TAS2R30: variants seen among roughly 807,000 people sequenced by gnomAD.
The protein encoded by TAS2R30 is taste 2 receptor member 30, also known as taste receptor type 2 member 30.
For missense variants in TAS2R30, 395 were observed against 371.6 expected (o/e 1.06, Z -0.52); for synonymous variants, 141 against 131.6 (o/e 1.07, Z -0.49).
chr12:11,134,078 A>G (rs759390205), exon 1 of TAS2R30: 13 of 1,614,114 alleles, frequency 8.1e-6, no homozygotes, highest in Non-Finnish European at 1.1e-5. Context: ...GAGCAAACCA[A>G]CTCTGGAGAC....
At chr12:11,134,099 G>C (rs781504579) in exon 1 of TAS2R30, 5 of 1,614,154 alleles carry the variant, frequency 3.1e-6, no homozygotes, top group Non-Finnish European at 4.2e-6. Flanking sequence ...CGCCAGAGCA[G>C]TGAGAATTTG....
chr12:11,133,237 C>A (rs1205528255), exon 1 of TAS2R30: 1 of 1,541,862 alleles, frequency 6.5e-7, no homozygotes, highest in Admixed American at 2.2e-5. Flanking sequence ...TTACAGAAAA[C>A]CCAGTAAGAA....
At chr12:11,133,766 C>T (rs781146450) in exon 1 of TAS2R30, 9 of 1,614,046 alleles carry the variant, frequency 5.6e-6, no homozygotes, top group Non-Finnish European at 7.6e-6. Context: ...AGTCACGTTT[C>T]CTTCATATTC....
chr12:11,133,623 T>G (rs1213594603), exon 1 of TAS2R30: 5 of 1,614,282 alleles, frequency 3.1e-6, no homozygotes, highest in Non-Finnish European at 4.2e-6. Context: ...AGCTGCATCT[T>G]CTTGAGATGT....
At chr12:11,133,456 GA>G in the TAS2R30 span, 15 of 1,614,102 alleles carry the variant, frequency 9.3e-6, no homozygotes, top group Non-Finnish European at 1.3e-5. Flanking sequence ...TAGCTTGGCA[GA>G]ACATGAAGAC....
At chr12:11,132,994 A>G in exon 1 of TAS2R30, 1 of 323,936 alleles carries the variant, frequency 3.1e-6, no homozygotes, top group African/African-American at 2.1e-5. Context: ...AATGAAATAT[A>G]AAATACATGT....
At chr12:11,134,577 G>T in exon 1 of TAS2R30, 1 of 263,946 alleles carries the variant, frequency 3.8e-6, no homozygotes, top group Non-Finnish European at 7.1e-6. Context: ...ATGCAAACAA[G>T]GACATGTTCA....
At chr12:11,133,414 G>A in exon 1 of TAS2R30, 1 of 1,613,978 alleles carries the variant, frequency 6.2e-7, no homozygotes. Context: ...AAATCAGGAT[G>A]AATGGGTGGG....
exon 1 of TAS2R30, chr12:11,133,574 T>G: frequency 2.5e-6 from 4 of 1,614,254 alleles, no homozygotes; most frequent in Non-Finnish European, 2.5e-6. Flanking sequence ...AGCTTTTATG[T>G]GGACCTTGGT....
At chr12:11,133,281 T>G in exon 1 of TAS2R30, 4 of 1,593,238 alleles carry the variant, frequency 2.5e-6, no homozygotes, top group Non-Finnish European at 3.4e-6. Context: ...CAGTTTGTTT[T>G]CTGCTAGAAG....
At chr12:11,134,094 G>A in exon 1 of TAS2R30, 1 of 1,614,130 alleles carries the variant, frequency 6.2e-7, no homozygotes. Flanking sequence ...GAGACCGCCA[G>A]AGCAGTGAGA....
At chr12:11,133,311 T>C in exon 1 of TAS2R30, 2 of 1,612,722 alleles carry the variant, frequency 1.2e-6, no homozygotes, top group Non-Finnish European at 1.7e-6. Flanking sequence ...GCCCCTCTTG[T>C]GAATCTATGG....
exon 1 of TAS2R30, chr12:11,134,035 C>T (rs551424741): frequency 9.3e-6 from 15 of 1,614,008 alleles, no homozygotes; most frequent in Non-Finnish European, 1.3e-5. Flanking sequence ...CTGGATTCAA[C>T]TGAGTTGCAT....
chr12:11,134,085 A>G (rs1036823157), exon 1 of TAS2R30: 46 of 1,614,042 alleles, frequency 2.8e-5, no homozygotes, highest in Non-Finnish European at 3.3e-5. Flanking sequence ...CCAACTCTGG[A>G]GACCGCCAGA....
At chr12:11,134,079 C>G (rs370581821) in exon 1 of TAS2R30, 2 of 1,614,016 alleles carry the variant, frequency 1.2e-6, no homozygotes, top group South Asian at 2.2e-5. Flanking sequence ...AGCAAACCAA[C>G]TCTGGAGACC....
At chr12:11,134,097 C>A in exon 1 of TAS2R30, 2 of 1,614,122 alleles carry the variant, frequency 1.2e-6, no homozygotes, top group Non-Finnish European at 1.7e-6. Context: ...ACCGCCAGAG[C>A]AGTGAGAATT....
At chr12:11,133,904 G>A (rs1287546553) in exon 1 of TAS2R30, 1 of 1,614,020 alleles carries the variant, frequency 6.2e-7, no homozygotes, top group African/African-American at 1.3e-5. Context: ...AATAAGGTTG[G>A]AGAAATTGGC....
chr12:11,133,248 A>G, exon 1 of TAS2R30: 2 of 1,550,952 alleles, frequency 1.3e-6, no homozygotes, highest in Non-Finnish European at 1.7e-6. Flanking sequence ...CCAGTAAGAA[A>G]TATAAAATGT....
exon 1 of TAS2R30, chr12:11,133,833 G>A: frequency 6.2e-7 from 1 of 1,614,058 alleles, no homozygotes; most frequent in Non-Finnish European, 8.5e-7. Context: ...ACCAAAAATA[G>A]CAAAGGCCCC....
Sources: gnomAD v4.1 joint callset for allele counts on GRCh38, gnomAD v4.1.1 for gene constraint, MANE v1.5 for transcripts, NCBI Gene and HGNC (gene_info 2026-07-23, HGNC 2026-07-21) for gene names.